Variants in RGS6 observed in about 807,000 individuals in gnomAD.
The protein encoded by RGS6 is regulator of G protein signaling 6, also known as regulator of G-protein signaling 6.
Under a neutral mutation model 78.5 loss-of-function variants are expected in RGS6, and 30 were observed. That is an observed-to-expected ratio of 0.38 (90% CI 0.29 to 0.52). RGS6 has a LOEUF of 0.52. RGS6 is among the 20% of genes least tolerant of loss of function. The pLI is 0.85. For synonymous variants in RGS6, 206 were observed against 206.0 expected (o/e 1.00, Z 0.00); for missense variants, 495 against 609.7 (o/e 0.81, Z 1.98).
intron 2 of RGS6, among the ~76,000 whole-genome samples, chr14:72,263,064 A>G (rs2058449026): frequency 6.6e-6 from 1 of 152,194 alleles, no homozygotes; most frequent in Non-Finnish European, 1.5e-5. Flanking sequence ...GCCTGGACCC[A>G]GGGCCTATCT....
intron 3 of RGS6, among the ~76,000 whole-genome samples, chr14:72,358,200 C>T (rs1450931809): frequency 6.6e-6 from 1 of 152,200 alleles, no homozygotes; most frequent in African/African-American, 2.4e-5. Context: ...AGGTGTGCTG[C>T]AGGGGCAGAG....
intron 2 of RGS6, among the ~76,000 whole-genome samples, chr14:72,254,943 A>G (rs1377111511): frequency 6.6e-6 from 1 of 152,140 alleles, no homozygotes; most frequent in Non-Finnish European, 1.5e-5. Context: ...TTTTAACCAT[A>G]TTACCTTGAC....
intron 2 of RGS6, among the ~76,000 whole-genome samples, chr14:72,064,139 AGG>A (rs1218771777): frequency 6.6e-6 from 1 of 152,010 alleles, no homozygotes; most frequent in Non-Finnish European, 1.5e-5. Context: ...GGCACTTGCA[AGG>A]GAGCAATTTT....
chr14:72,259,542 T>A (rs767181525), intron 2 of RGS6, among the ~76,000 whole-genome samples: 8 of 152,214 alleles, frequency 5.3e-5, no homozygotes, highest in Non-Finnish European at 1.0e-4. Context: ...AATATTGTTC[T>A]ACAATAAAAA....
At chr14:71,928,824 T>C (rs2087758306), upstream of RGS6, among the ~76,000 whole-genome samples, 1 of 152,224 alleles carries the variant, frequency 6.6e-6, no homozygotes, top group Non-Finnish European at 1.5e-5. Flanking sequence ...CTGAATCACA[T>C]TATTGTATAT....
Position 72,274,392 on chromosome 14 carries a change from G to T in RGS6, c.85-77703G>T, listed in dbSNP as rs546377808. Among the ~76,000 whole-genome samples, 9 of 152,278 alleles carry T rather than the reference G, an allele frequency of 5.9e-5. No individual in the cohort carries two copies. In the South Asian group the frequency reaches 1.9e-3, roughly 32 times the overall value. ...TGCTTTGTGCCATCAGGTCATCAGTGACATGACTAGGGCAGCTCAACCCGC... is the reference window on the plus strand; with the variant it reads ...TGCTTTGTGCCATCAGGTCATCAGTTACATGACTAGGGCAGCTCAACCCGC... On this transcript the variant is annotated intron_variant, in intron 2 of 17. Transcript: ENST00000553525.
At position 72,565,576 on chromosome 14, in the gene RGS6, C is replaced by T. The variant is rs2097706405; in HGVS notation, c.*3109C>T. 6.6e-6 allele frequency: 1 copy of T among 152,230 alleles called. No individual in the cohort carries two copies. Among genetic ancestry groups the T allele is most frequent in the South Asian group, 2.1e-4 (1 of 4,822 alleles). The allele number at this position is 152,230 out of a possible 1,614,324, so 9.4% of individuals were successfully genotyped here. ...GTCAGCTGGGCCTGCGCTCCAGGCT[C>T]ACCACCGCTAAGTGGTCAGGTACCG... On this transcript the variant is annotated 3_prime_UTR_variant, in exon 18 of 18. Transcript: ENST00000553525.
chr14:72,268,962 C>G (rs35133217), intron 2 of RGS6, among the ~76,000 whole-genome samples: 8,753 of 152,274 alleles, frequency 0.057, 429 homozygotes, highest in East Asian at 0.3. Context: ...CCTGATCTCT[C>G]TCTTTCTTCC....
chr14:71,991,195 G>A (rs2094940164), intron 2 of RGS6, among the ~76,000 whole-genome samples: 1 of 152,154 alleles, frequency 6.6e-6, no homozygotes, highest in South Asian at 2.1e-4. Flanking sequence ...TGTATTGGGT[G>A]GATTGTGTAA....
At chr14:72,069,404 A>T (rs2153452665) in intron 2 of RGS6, among the ~76,000 whole-genome samples, 1 of 152,298 alleles carries the variant, frequency 6.6e-6, no homozygotes, top group East Asian at 1.9e-4. Context: ...TAAAAGTCTA[A>T]ATTCAGTCAG....
At chr14:72,483,302 G>A (rs1223985846) in intron 12 of RGS6, among the ~76,000 whole-genome samples, 1 of 152,160 alleles carries the variant, frequency 6.6e-6, no homozygotes. Context: ...GGATCAAAAT[G>A]TTTCATTCCG....
intron 2 of RGS6, among the ~76,000 whole-genome samples, chr14:72,115,573 T>A (rs1192456934): frequency 6.6e-6 from 1 of 152,144 alleles, no homozygotes; most frequent in Non-Finnish European, 1.5e-5. Flanking sequence ...TGGGAAGGGC[T>A]GGACAGGCCC....
chr14:72,364,833 T>G (rs1056864970), intron 3 of RGS6, among the ~76,000 whole-genome samples: 5 of 152,202 alleles, frequency 3.3e-5, no homozygotes, highest in Non-Finnish European at 7.3e-5. Flanking sequence ...CCAAAGATGA[T>G]ATTGATGAGG....
intron 2 of RGS6, among the ~76,000 whole-genome samples, chr14:72,090,123 AAAAAAAT>A (rs2095215096): frequency 1.3e-5 from 2 of 149,996 alleles, no homozygotes; most frequent in Non-Finnish European, 3.0e-5. Flanking sequence ...AAAAAAAAAA[AAAAAAAT>A]AAAGCCTTCA....
At chr14:72,251,919 C>T (rs1477833353) in intron 2 of RGS6, among the ~76,000 whole-genome samples, 7 of 152,118 alleles carry the variant, frequency 4.6e-5, no homozygotes, top group Non-Finnish European at 8.8e-5. Context: ...AATTTTATGG[C>T]CTTATACATT....
intron 17 of RGS6, among the ~76,000 whole-genome samples, chr14:72,556,154 A>G (rs1461201868): frequency 6.6e-6 from 1 of 152,100 alleles, no homozygotes; most frequent in African/African-American, 2.4e-5. Flanking sequence ...GTCCATTTTC[A>G]CAATGCTATA....
intron 2 of RGS6, among the ~76,000 whole-genome samples, chr14:72,094,166 GAAC>G (rs2095348315): frequency 6.6e-6 from 1 of 152,110 alleles, no homozygotes; most frequent in Non-Finnish European, 1.5e-5. Context: ...TTTCTTTATC[GAAC>G]AATGGAAGCA....
At chr14:72,387,591 C>T (rs1596578522) in intron 3 of RGS6, among the ~76,000 whole-genome samples, 1 of 151,746 alleles carries the variant, frequency 6.6e-6, no homozygotes, top group Admixed American at 6.6e-5. Flanking sequence ...GATACACAGA[C>T]ACAGAGTTAT....
chr14:72,007,833 C>T (rs145891459), intron 2 of RGS6, among the ~76,000 whole-genome samples: 2,396 of 152,070 alleles, frequency 0.016, 55 homozygotes, highest in African/African-American at 0.052. Context: ...TAAAGGGATT[C>T]CCAGAAGACC....
Sources: allele counts gnomAD v4.1 joint callset (sites outside exome capture counted in the v4.1 genomes callset), GRCh38; gene constraint gnomAD v4.1.1; transcripts MANE v1.5; gene names NCBI Gene and HGNC (gene_info 2026-07-23, HGNC 2026-07-21).